The following MDFIC2 variants were observed in gnomAD, a reference collection of about 807,000 sequenced individuals.
MDFIC2 encodes the protein MyoD family inhibitor domain containing 2, also known as myoD family inhibitor domain-containing protein 2.
At chr3:70,253,104 A>G (rs1701785036) in intron 2 of MDFIC2, among the ~76,000 whole-genome samples, 1 of 152,182 alleles carries the variant, frequency 6.6e-6, no homozygotes, top group Non-Finnish European at 1.5e-5. Flanking sequence ...TCGAAGAGAA[A>G]CTAATACCTA....
chr3:70,202,714 C>T (rs79978222), intron 3 of MDFIC2, among the ~76,000 whole-genome samples: 2,144 of 152,200 alleles, frequency 0.014, 59 homozygotes, highest in African/African-American at 0.049. Context: ...GGCTTCATTT[C>T]CTTTCTACAC....
intron 3 of MDFIC2, among the ~76,000 whole-genome samples, chr3:70,204,019 C>G (rs1418359892): frequency 6.6e-6 from 1 of 152,108 alleles, no homozygotes; most frequent in East Asian, 1.9e-4. Context: ...CAGTAAAGAT[C>G]CTTTTAAATT....
chr3:70,302,445 A>AC (rs1224515525), intron 2 of MDFIC2: 1 of 151,650 alleles, frequency 6.6e-6, no homozygotes, highest in Non-Finnish European at 1.5e-5. Flanking sequence ...AACATAAGAG[A>AC]CTTTTTTTTC....
At chr3:70,257,175 G>A (rs1185764699) in intron 2 of MDFIC2, among the ~76,000 whole-genome samples, 1 of 152,180 alleles carries the variant, frequency 6.6e-6, no homozygotes, top group African/African-American at 2.4e-5. Context: ...GAAATTTTGT[G>A]AACTATACAT....
intron 2 of MDFIC2, among the ~76,000 whole-genome samples, chr3:70,284,994 A>G (rs1043663167): frequency 6.6e-6 from 1 of 151,942 alleles, no homozygotes; most frequent in African/African-American, 2.4e-5. Flanking sequence ...AACTTAAATC[A>G]CTGCAGTTCC....
intron 2 of MDFIC2, chr3:70,249,653 T>C (rs2106649752): frequency 6.6e-6 from 1 of 152,254 alleles, no homozygotes; most frequent in Admixed American, 6.5e-5. Context: ...GAGCTGCCAA[T>C]TCCACAGTAC....
At chr3:70,261,131 A>G (rs963663663) in intron 2 of MDFIC2, among the ~76,000 whole-genome samples, 1 of 152,230 alleles carries the variant, frequency 6.6e-6, no homozygotes, top group African/African-American at 2.4e-5. Flanking sequence ...TCAGATGTCC[A>G]TTAGCAGATA....
chr3:70,248,012 C>T (rs1172579197), intron 2 of MDFIC2, among the ~76,000 whole-genome samples: 5 of 151,938 alleles, frequency 3.3e-5, no homozygotes, highest in African/African-American at 4.8e-5. Context: ...CAGGTCAATT[C>T]GATCCATCTT....
At chr3:70,295,402 G>T (rs982105653) in intron 2 of MDFIC2, among the ~76,000 whole-genome samples, 1 of 152,024 alleles carries the variant, frequency 6.6e-6, no homozygotes, top group African/African-American at 2.4e-5. Flanking sequence ...ATTCCCAAAG[G>T]CTTACATACC....
chr3:70,274,412 A>C (rs145078544), intron 2 of MDFIC2, among the ~76,000 whole-genome samples: 2 of 150,840 alleles, frequency 1.3e-5, no homozygotes, highest in African/African-American at 5.0e-5. Context: ...ACTGATATAT[A>C]ATTTTTAATG....
intron 2 of MDFIC2, among the ~76,000 whole-genome samples, chr3:70,293,042 A>G: frequency 8.6e-6 from 1 of 116,956 alleles, no homozygotes; most frequent in Non-Finnish European, 1.7e-5. Context: ...CTGTGGTTTG[A>G]AGCAAAAAAA....
rs543060655 is a variant in MDFIC2, at chr3:70,220,424, C to A, written c.89-13634G>T. ...ACTCCACTCCACCTGGGAGACAGAGCAAGACCTTACCTCTTAAAAAAAAAA... is the reference window on the plus strand; with the variant it reads ...ACTCCACTCCACCTGGGAGACAGAGAAAGACCTTACCTCTTAAAAAAAAAA... On this transcript the variant is annotated intron_variant, in intron 2 of 3. Coordinates refer to ENST00000567252, the MANE Select transcript of MDFIC2 (RefSeq NM_001364677.1). Among the ~76,000 whole-genome samples the A allele has an allele frequency of 2.0e-5, 3 of 151,866 alleles. No homozygotes were observed. The South Asian group carries it at 6.3e-4, about 32-fold the overall frequency.
chr3:70,266,163 G>T (rs1701915649), intron 2 of MDFIC2, among the ~76,000 whole-genome samples: 3 of 152,024 alleles, frequency 2.0e-5, no homozygotes, highest in Admixed American at 2.0e-4. Flanking sequence ...GCAGAATGTT[G>T]CTTTATTAAA....
At chr3:70,231,409 CT>C (rs555805706) in intron 2 of MDFIC2, among the ~76,000 whole-genome samples, 69 of 152,354 alleles carry the variant, frequency 4.5e-4, no homozygotes, top group African/African-American at 1.7e-3. Flanking sequence ...GAGCTAAGCT[CT>C]ACCCCCAGAG....
chr3:70,295,577 C>T (rs1315740754), intron 2 of MDFIC2, among the ~76,000 whole-genome samples: 1 of 152,140 alleles, frequency 6.6e-6, no homozygotes, highest in East Asian at 1.9e-4. Flanking sequence ...GTGGTGCGCA[C>T]CTGTAGTCCT....
At chr3:70,210,039 C>T (rs867400186) in intron 2 of MDFIC2, among the ~76,000 whole-genome samples, 1 of 152,020 alleles carries the variant, frequency 6.6e-6, no homozygotes, top group South Asian at 2.1e-4. Context: ...AATTATCACA[C>T]GTAGTCAGGC....
chr3:70,236,679 T>G (rs1367744300), intron 2 of MDFIC2, among the ~76,000 whole-genome samples: 1 of 152,114 alleles, frequency 6.6e-6, no homozygotes, highest in Non-Finnish European at 1.5e-5. Flanking sequence ...CGCTGCAGTC[T>G]CAACCTCCCA....
At position 70,203,771 on chromosome 3, in the gene MDFIC2, T is replaced by G. The variant is rs960385515; in HGVS notation, c.310+2798A>C. On this transcript the variant is annotated intron_variant, in intron 3 of 3. Transcript: ENST00000567252. ...TGGATGAGATGTCTCAAATTCAAAA[T>G]TATACATCAATTAGGTATAGTCTCA... 4.6e-5 allele frequency among the ~76,000 whole-genome samples: 7 copies of G among 152,176 alleles called. No individual in the cohort carries two copies. In the South Asian group the frequency reaches 6.2e-4, roughly 13 times the overall value.
chr3:70,304,281 A>G (rs1167859404), intron 2 of MDFIC2, among the ~76,000 whole-genome samples: 5 of 152,088 alleles, frequency 3.3e-5, no homozygotes, highest in African/African-American at 4.8e-5. Context: ...ATTTTATTTA[A>G]TTTCCATTTC....
Sources: allele counts gnomAD v4.1 joint callset (sites outside exome capture counted in the v4.1 genomes callset), GRCh38; gene constraint gnomAD v4.1.1; transcripts MANE v1.5; gene names NCBI Gene and HGNC (gene_info 2026-07-23, HGNC 2026-07-21).